Variants in TCERG1L observed in about 807,000 individuals in gnomAD.
TCERG1L encodes transcription elongation regulator 1 like.
Under a neutral mutation model 56.3 loss-of-function variants are expected in TCERG1L, and 37 were observed. That is an observed-to-expected ratio of 0.66 (90% CI 0.51 to 0.87). The LOEUF (loss-of-function observed/expected upper bound fraction) is 0.87. TCERG1L is among the 40% of genes least tolerant of loss of function. The probability of loss-of-function intolerance (pLI) is 0.00; values close to 1 mark genes in which losing one functional copy is unlikely to be tolerated. For synonymous variants in TCERG1L, 324 were observed against 326.3 expected, an observed-to-expected ratio of 0.99 and a Z score of 0.08; for missense variants, 799 against 774.2, an observed-to-expected ratio of 1.03 and a Z score of -0.38.
rs1846176946 is a variant in TCERG1L, at chr10:131,256,997, GAAAGAAAGAAA to G, written c.856+3251_856+3261del. ...GGAAGGAAGGAAGGAAGGAAGGAAA[GAAAGAAAGAAA>G]GAAAGAAAGAAAGAAAGAAAGAAAG... is the stretch of plus-strand genomic sequence containing the variant. On this transcript the variant is annotated intron_variant, in intron 4 of 11. Transcript: ENST00000368642. Among the ~76,000 whole-genome samples, 129 of 74,154 alleles carry G rather than the reference GAAAGAAAGAAA, an allele frequency of 1.7e-3. 1 individual carries two copies. Among genetic ancestry groups the G allele is most frequent in the East Asian group, 4.9e-3 (15 of 3,042 alleles). 48.6% of individuals were successfully genotyped at this position (74,154 alleles called of 152,430 possible).
chr10:131,308,722 T>C lies in TCERG1L; in HGVS notation c.490-331A>G, dbSNP rs979858468. 8.5e-5 allele frequency among the ~76,000 whole-genome samples: 13 copies of C among 152,156 alleles called. 1 individual carries two copies. The highest frequency in any genetic ancestry group is 3.1e-4 in the African/African-American group (13 of 41,426). Reference sequence around the variant, plus strand: ...ATACTTTACTTCTTTAGTTTCCTTGTGAACAAAATGTAGTCAGTAAATTTG... The same window carrying C: ...ATACTTTACTTCTTTAGTTTCCTTGCGAACAAAATGTAGTCAGTAAATTTG... On this transcript the variant is annotated intron_variant, in intron 2 of 11. Transcript: ENST00000368642.
chr10:131,228,089 CCT>C (rs1468810246), intron 4 of TCERG1L, among the ~76,000 whole-genome samples: 2 of 152,214 alleles, frequency 1.3e-5, no homozygotes, highest in Non-Finnish European at 2.9e-5. Flanking sequence ...CCTCCGAGCC[CCT>C]GACAGACATT....
chr10:131,171,321 T>G (rs1846091186), intron 4 of TCERG1L, among the ~76,000 whole-genome samples: 1 of 152,168 alleles, frequency 6.6e-6, no homozygotes, highest in Non-Finnish European at 1.5e-5. Flanking sequence ...GAGGTGGGTT[T>G]GCTTGTGCCT....
chr10:131,122,227 T>C (rs1364311735), intron 8 of TCERG1L, among the ~76,000 whole-genome samples: 2 of 152,184 alleles, frequency 1.3e-5, no homozygotes, highest in African/African-American at 4.8e-5. Flanking sequence ...AGAAATGACC[T>C]TTGGTATTCA....
At chr10:131,177,752 A>C (rs1026214702) in intron 4 of TCERG1L, among the ~76,000 whole-genome samples, 4 of 152,078 alleles carry the variant, frequency 2.6e-5, no homozygotes, top group African/African-American at 9.7e-5. Context: ...GGCAGATGTC[A>C]GCTAAGGTCA....
intron 3 of TCERG1L, among the ~76,000 whole-genome samples, chr10:131,288,038 C>G (rs1564834450): frequency 6.6e-6 from 1 of 152,184 alleles, no homozygotes; most frequent in African/African-American, 2.4e-5. Flanking sequence ...GTGTAATTTA[C>G]AGCACTTTTT....
At chr10:131,175,043 C>T (rs1846133981) in intron 4 of TCERG1L, among the ~76,000 whole-genome samples, 1 of 152,210 alleles carries the variant, frequency 6.6e-6, no homozygotes, top group African/African-American at 2.4e-5. Flanking sequence ...TCTGTCTGAC[C>T]AGCAGATCTG....
intron 3 of TCERG1L, among the ~76,000 whole-genome samples, chr10:131,305,419 TCTTA>T (rs1846810070): frequency 1.3e-5 from 2 of 152,084 alleles, no homozygotes; most frequent in African/African-American, 4.8e-5. Flanking sequence ...TGCAGTTCAT[TCTTA>T]ATCAACAGTA....
intron 4 of TCERG1L, among the ~76,000 whole-genome samples, chr10:131,167,511 C>G (rs1234813080): frequency 6.6e-6 from 1 of 152,238 alleles, no homozygotes; most frequent in African/African-American, 2.4e-5. Flanking sequence ...GCCTTGTGAA[C>G]TGGGCCACGT....
intron 4 of TCERG1L, among the ~76,000 whole-genome samples, chr10:131,178,554 C>G (rs981419492): frequency 1.3e-5 from 2 of 152,154 alleles, no homozygotes; most frequent in African/African-American, 4.8e-5. Context: ...TCTGTCTGTC[C>G]TCAGGGCCTG....
chr10:131,298,352 G>GT lies in TCERG1L; in HGVS notation c.670+9858dup, dbSNP rs549235771. Among the ~76,000 whole-genome samples the GT allele has an allele frequency of 5.3e-5, 8 of 151,924 alleles. No individual in the cohort carries two copies. In the East Asian group the frequency reaches 9.7e-4, roughly 18 times the overall value. On this transcript the variant is annotated intron_variant, in intron 3 of 11. Coordinates refer to ENST00000368642, the MANE Select transcript of TCERG1L (RefSeq NM_174937.4). ...CTGTTCTATTTTCAAACATTTGGAG[G>GT]TTTTCCGGATATCCTTGTTACTGAT... is the stretch of plus-strand genomic sequence containing the variant.
chr10:131,227,844 T>A (rs1845809541), intron 4 of TCERG1L, among the ~76,000 whole-genome samples: 1 of 117,630 alleles, frequency 8.5e-6, no homozygotes, highest in Non-Finnish European at 1.8e-5. Context: ...CCCCTTCCCG[T>A]GGTCTCTAAT....
intron 4 of TCERG1L, among the ~76,000 whole-genome samples, chr10:131,220,830 C>T (rs976961585): frequency 4.6e-5 from 7 of 152,184 alleles, no homozygotes; most frequent in African/African-American, 1.2e-4. Context: ...AGCAGCACCT[C>T]GGGGGCTCCG....
At chr10:131,098,493 G>T in intron 10 of TCERG1L, 69 bp from the exon 11 acceptor site, 1 of 1,502,510 alleles carries the variant, frequency 6.7e-7, no homozygotes, top group Non-Finnish European at 8.8e-7. Context: ...TGTATTCCAA[G>T]CACAACATGA....
At chr10:131,157,574 G>A (rs1468609961) in intron 6 of TCERG1L, among the ~76,000 whole-genome samples, 1 of 151,580 alleles carries the variant, frequency 6.6e-6, no homozygotes, top group African/African-American at 2.4e-5. Flanking sequence ...TACTATTTGT[G>A]TCTAAAGCCA....
intron 8 of TCERG1L, among the ~76,000 whole-genome samples, chr10:131,132,485 C>T (rs1845628395): frequency 6.6e-6 from 1 of 152,246 alleles, no homozygotes; most frequent in Admixed American, 6.5e-5. Context: ...GATGGGAGTG[C>T]AGCCGGGTGA....
intron 9 of TCERG1L, among the ~76,000 whole-genome samples, chr10:131,104,882 G>T (rs1845336524): frequency 6.6e-6 from 1 of 152,226 alleles, no homozygotes; most frequent in Non-Finnish European, 1.5e-5. Context: ...CTCATACCCA[G>T]TTTCTCACGT....
At chr10:131,205,289 C>T (rs1407333122) in intron 4 of TCERG1L, among the ~76,000 whole-genome samples, 1 of 151,718 alleles carries the variant, frequency 6.6e-6, no homozygotes, top group Non-Finnish European at 1.5e-5. Flanking sequence ...AGATGCATCC[C>T]AACTCTCTGC....
At chr10:131,170,839 A>G (rs2008589) in intron 4 of TCERG1L, among the ~76,000 whole-genome samples, 122,051 of 151,730 alleles carry the variant, frequency 0.8, 49,614 homozygotes, top group Non-Finnish European at 0.87. Context: ...ACCGGGCAAC[A>G]AAATATCTCT....
Sources: allele counts gnomAD v4.1 joint callset (sites outside exome capture counted in the v4.1 genomes callset), GRCh38; gene constraint gnomAD v4.1.1; transcripts MANE v1.5; gene names NCBI Gene and HGNC (gene_info 2026-07-23, HGNC 2026-07-21).